The following CC2D2A variants were observed in gnomAD, a reference collection of about 807,000 sequenced individuals.
The protein encoded by CC2D2A is coiled-coil and C2 domain containing 2A.
A neutral mutation model predicts 212.9 loss-of-function variants in CC2D2A; 155 were observed. That is an observed-to-expected ratio of 0.73 (90% CI 0.64 to 0.83). CC2D2A has a LOEUF of 0.83. Among genes scored for constraint, CC2D2A ranks in the 40% least tolerant of loss-of-function variants. CC2D2A has a pLI of 0.00. For missense variants in CC2D2A, 1,856 were observed against 1,956.2 expected, an observed-to-expected ratio of 0.95 and a Z score of 0.97; for synonymous variants, 667 against 686.5, an observed-to-expected ratio of 0.97 and a Z score of 0.44.
At chr4:15,550,076 C>T (rs981874746) in intron 17 of CC2D2A, among the ~76,000 whole-genome samples, 1 of 152,144 alleles carries the variant, frequency 6.6e-6, no homozygotes. Context: ...TGTCATATTG[C>T]CACAAAAGTG....
intron 33 of CC2D2A, 65 bp downstream of exon 33, chr4:15,589,744 G>A (rs1577399060): frequency 8.6e-7 from 1 of 1,159,916 alleles, no homozygotes; most frequent in Non-Finnish European, 1.1e-6. Context: ...CTGACCTATT[G>A]ATTTAAATAT....
At chr4:15,592,441 C>T (rs991601588) in intron 33 of CC2D2A, among the ~76,000 whole-genome samples, 3 of 152,170 alleles carry the variant, frequency 2.0e-5, no homozygotes, top group Admixed American at 6.5e-5. Flanking sequence ...TGAGAAGCAC[C>T]ATTGTCTTGC....
At chr4:15,536,588 G>A (rs1718142164) in intron 14 of CC2D2A, among the ~76,000 whole-genome samples, 2 of 152,088 alleles carry the variant, frequency 1.3e-5, no homozygotes, top group Non-Finnish European at 2.9e-5. Flanking sequence ...TATCAGCTGA[G>A]AACTTACAGG....
At chr4:15,552,509 T>A (rs1719056377) in intron 18 of CC2D2A, among the ~76,000 whole-genome samples, 2 of 152,180 alleles carry the variant, frequency 1.3e-5, no homozygotes, top group African/African-American at 4.8e-5. Flanking sequence ...CTTCCCTAAT[T>A]TGTTTCTCCT....
intron 6 of CC2D2A, among the ~76,000 whole-genome samples, chr4:15,509,057 T>G (rs1272687240): frequency 3.9e-5 from 6 of 152,060 alleles, no homozygotes; most frequent in African/African-American, 1.4e-4. Context: ...CAAAAGGGAA[T>G]ACCCATATGA....
At chr4:15,521,460 A>T (rs1717197990) in intron 11 of CC2D2A, among the ~76,000 whole-genome samples, 2 of 152,052 alleles carry the variant, frequency 1.3e-5, no homozygotes, top group African/African-American at 4.8e-5. Flanking sequence ...CCATTATTCC[A>T]TGAAATAGGC....
Position 15,559,260 on chromosome 4 carries a change from A to G in CC2D2A, c.2922+3A>G. 6.5e-7 allele frequency: 1 copy of G among 1,535,450 alleles called. No homozygotes were observed. Among genetic ancestry groups the G allele is most frequent in the South Asian group, 1.2e-5 (1 of 83,504 alleles). On this transcript the variant is annotated splice_donor_region_variant and intron_variant, in intron 22 of 36. Coordinates refer to ENST00000424120, the MANE Select transcript of CC2D2A (RefSeq NM_001378615.1). ...TAGTAGCCAAGTACCTCCAGCAGGT[A>G]AGAAAAATCATATAAAACTGTCTTC...
At chr4:15,479,165 A>G in intron 3 of CC2D2A, 1 of 1,292,016 alleles carries the variant, frequency 7.7e-7, no homozygotes, top group Non-Finnish European at 1.1e-6. Context: ...CACGATTACA[A>G]ATCTTGGGAA....
chr4:15,550,732 C>A, intron 17 of CC2D2A, 92 bp from the exon 18 acceptor site: 1 of 926,552 alleles, frequency 1.1e-6, no homozygotes. Context: ...GAACAGTGAC[C>A]AGCACAAATA....
At chr4:15,501,104 G>A (rs976238932) in intron 4 of CC2D2A, among the ~76,000 whole-genome samples, 7 of 152,026 alleles carry the variant, frequency 4.6e-5, no homozygotes, top group Admixed American at 2.0e-4. Context: ...TCTCTATAGC[G>A]GGGTCCTCCA....
intron 7 of CC2D2A, among the ~76,000 whole-genome samples, chr4:15,510,817 A>G (rs1264427713): frequency 6.6e-6 from 1 of 152,198 alleles, no homozygotes; most frequent in Non-Finnish European, 1.5e-5. Flanking sequence ...TATAGGAAAA[A>G]AGGAGAGTAC....
At chr4:15,517,324 G>A (rs114462299) in intron 11 of CC2D2A, among the ~76,000 whole-genome samples, 2,135 of 152,130 alleles carry the variant, frequency 0.014, 49 homozygotes, top group African/African-American at 0.049. Flanking sequence ...TACACATCCA[G>A]GTTAGCTACA....
Position 15,567,617 on chromosome 4 carries a change from G to T in CC2D2A, c.3289-60G>T, listed in dbSNP as rs141160557. 2.3e-4 allele frequency: 312 copies of T among 1,370,022 alleles called. No homozygotes were observed. The African/African-American group carries it at 4.1e-3, about 18-fold the overall frequency. The allele number at this position is 1,370,022 out of a possible 1,614,324, so 84.9% of individuals were successfully genotyped here. A position where few individuals can be genotyped will look rare whatever the true frequency, so the allele number is the denominator to read the frequency against. The stretch of plus-strand genomic sequence containing the variant: ...TACTTAGTAAATATACTCTATTTTT[G>T]CTAAGAATAAAATAATTTGACTAAC... On this transcript the variant is annotated intron_variant, in intron 25 of 36. Transcript: ENST00000424120.
intron 28 of CC2D2A, among the ~76,000 whole-genome samples, chr4:15,573,917 G>A (rs1720280291): frequency 6.6e-6 from 1 of 152,106 alleles, no homozygotes; most frequent in Non-Finnish European, 1.5e-5. Context: ...TTGAACCTAA[G>A]CAAATTGTAT....
At position 15,489,409 on chromosome 4, in the gene CC2D2A, G is replaced by A. The variant is rs533172241; in HGVS notation, c.247+8582G>A. 2.0e-5 allele frequency among the ~76,000 whole-genome samples: 3 copies of A among 152,188 alleles called. No individual in the cohort carries two copies. In the South Asian group the frequency reaches 6.2e-4, roughly 32 times the overall value. On this transcript the variant is annotated intron_variant, in intron 4 of 36. Transcript: ENST00000424120. ...AGTCCAAGGATGCACAGTGGAGAAT[G>A]TAGGAAATGTCAAGACATTCACCAA...
intron 28 of CC2D2A, among the ~76,000 whole-genome samples, chr4:15,572,929 G>A (rs1486986074): frequency 6.6e-6 from 1 of 152,176 alleles, no homozygotes; most frequent in Non-Finnish European, 1.5e-5. Flanking sequence ...TAATGTTTGA[G>A]GGCAGGAAGC....
chr4:15,482,281 T>A (rs186582233), intron 4 of CC2D2A: 70 of 983,746 alleles, frequency 7.1e-5, no homozygotes, highest in Non-Finnish European at 8.1e-5. Context: ...TGGCTGTTTC[T>A]TTTTCTAAAT....
At chr4:15,523,378 G>T (rs1254056427) in intron 11 of CC2D2A, among the ~76,000 whole-genome samples, 1 of 152,180 alleles carries the variant, frequency 6.6e-6, no homozygotes, top group Non-Finnish European at 1.5e-5. Flanking sequence ...CCTGCAATGT[G>T]CAGGAGCCTC....
chr4:15,569,017 G>T (rs1720031994), intron 26 of CC2D2A, among the ~76,000 whole-genome samples: 1 of 152,174 alleles, frequency 6.6e-6, no homozygotes, highest in Non-Finnish European at 1.5e-5. Context: ...CTGCCTCCTT[G>T]AAAAGCTTAC....
Sources: gnomAD v4.1 joint callset for allele counts (sites outside exome capture counted in the v4.1 genomes callset) on GRCh38, gnomAD v4.1.1 for gene constraint, MANE v1.5 for transcripts, NCBI Gene and HGNC (gene_info 2026-07-23, HGNC 2026-07-21) for gene names.